Variants in CNTNAP2 observed in about 807,000 individuals in gnomAD.
CNTNAP2 encodes the protein contactin-associated protein-like 2.
In CNTNAP2, 98 loss-of-function variants were observed where a neutral mutation model predicts 155.2. The observed-to-expected ratio is 0.63, with a 90% CI of 0.54 to 0.75. CNTNAP2 has a LOEUF of 0.75. CNTNAP2 is among the 30% of genes least tolerant of loss of function. The pLI is 0.00. For synonymous variants in CNTNAP2, 651 were observed against 631.2 expected, an observed-to-expected ratio of 1.03 and a Z score of -0.47; for missense variants, 1,727 against 1,688.1, an observed-to-expected ratio of 1.02 and a Z score of -0.40.
chr7:146,144,731 A>G (rs1584771052), intron 1 of CNTNAP2, among the ~76,000 whole-genome samples: 1 of 152,160 alleles, frequency 6.6e-6, no homozygotes, highest in African/African-American at 2.4e-5. Context: ...TATTTATCTC[A>G]TTATTATTTG....
chr7:146,245,509 A>C (rs1799632196), intron 1 of CNTNAP2, among the ~76,000 whole-genome samples: 1 of 152,122 alleles, frequency 6.6e-6, no homozygotes, highest in African/African-American at 2.4e-5. Flanking sequence ...AGTAAGATCC[A>C]GTTGTTTGCG....
intron 23 of CNTNAP2, 92 bp from the exon 24 acceptor site, chr7:148,415,325 C>T (rs1240365564): frequency 1.6e-6 from 2 of 1,270,452 alleles, no homozygotes; most frequent in Non-Finnish European, 2.2e-6. Context: ...TGGGAGAGGG[C>T]TGTGTCTGAC....
chr7:146,657,777 GA>G (rs1194772324), intron 1 of CNTNAP2, among the ~76,000 whole-genome samples: 1 of 151,996 alleles, frequency 6.6e-6, no homozygotes, highest in Non-Finnish European at 1.5e-5. Flanking sequence ...TTGTCAAAAA[GA>G]GTCTAATTTT....
intron 5 of CNTNAP2, among the ~76,000 whole-genome samples, chr7:147,119,483 A>C (rs1344092092): frequency 6.6e-6 from 1 of 152,146 alleles, no homozygotes; most frequent in East Asian, 1.9e-4. Context: ...CTACTAGTGT[A>C]AATATTTAAA....
chr7:147,910,636 G>A (rs1800046262), intron 14 of CNTNAP2, among the ~76,000 whole-genome samples: 1 of 152,136 alleles, frequency 6.6e-6, no homozygotes, highest in African/African-American at 2.4e-5. Flanking sequence ...CACAATCATG[G>A]CAGAAGGCAG....
At chr7:148,247,920 C>CTGGGATTACAGGTGTGAACCACCA (rs1228467153) in intron 20 of CNTNAP2, among the ~76,000 whole-genome samples, 2 of 152,066 alleles carry the variant, frequency 1.3e-5, no homozygotes, top group Admixed American at 1.3e-4. Context: ...TCCCAAAGTG[C>CTGGGATTACAGGTGTGAACCACCA]TGGGATTACA....
intron 1 of CNTNAP2, among the ~76,000 whole-genome samples, chr7:146,510,743 A>G (rs116019320): frequency 1.1e-3 from 160 of 150,510 alleles, no homozygotes; most frequent in African/African-American, 3.9e-3. Context: ...TCTTGTAGCT[A>G]TTGTAAATGG....
chr7:147,036,860 T>C (rs1408241191), intron 3 of CNTNAP2, among the ~76,000 whole-genome samples: 30 of 152,284 alleles, frequency 2.0e-4, no homozygotes, highest in Admixed American at 2.0e-3. Flanking sequence ...TTTTTTCCTT[T>C]TCACACCTAT....
intron 15 of CNTNAP2, among the ~76,000 whole-genome samples, chr7:148,081,720 C>G (rs888915442): frequency 6.6e-6 from 1 of 152,048 alleles, no homozygotes; most frequent in African/African-American, 2.4e-5. Context: ...CTGAACTAAG[C>G]CTCAGAGGAG....
At chr7:146,379,249 A>C (rs933662685) in intron 1 of CNTNAP2, among the ~76,000 whole-genome samples, 2 of 152,150 alleles carry the variant, frequency 1.3e-5, no homozygotes, top group African/African-American at 4.8e-5. Flanking sequence ...GTGAAATTGT[A>C]ATTTGGACCA....
intron 21 of CNTNAP2, among the ~76,000 whole-genome samples, chr7:148,383,098 T>C (rs1585324675): frequency 6.6e-6 from 1 of 152,042 alleles, no homozygotes; most frequent in African/African-American, 2.4e-5. Flanking sequence ...CATCAGACAC[T>C]AGCCGGGGAT....
At chr7:148,083,522 G>A (rs1803656925) in intron 15 of CNTNAP2, among the ~76,000 whole-genome samples, 1 of 152,192 alleles carries the variant, frequency 6.6e-6, no homozygotes, top group South Asian at 2.1e-4. Context: ...AGAGGAGAAA[G>A]TGGACTGAGA....
intron 2 of CNTNAP2, among the ~76,000 whole-genome samples, chr7:146,794,908 A>C (rs1372444275): frequency 6.6e-6 from 1 of 152,208 alleles, no homozygotes; most frequent in Non-Finnish European, 1.5e-5. Context: ...TTTTATATCA[A>C]TTATGTACTG....
intron 1 of CNTNAP2, among the ~76,000 whole-genome samples, chr7:146,471,018 G>A (rs1465992391): frequency 6.6e-6 from 1 of 152,112 alleles, no homozygotes; most frequent in Non-Finnish European, 1.5e-5. Flanking sequence ...TTTTCTGTTT[G>A]TAACGATACT....
intron 18 of CNTNAP2, among the ~76,000 whole-genome samples, chr7:148,175,604 G>A (rs1209923969): frequency 6.6e-6 from 1 of 152,112 alleles, no homozygotes; most frequent in African/African-American, 2.4e-5. Context: ...CTGCCTTGTT[G>A]GGGTCAGGTT....
intron 10 of CNTNAP2, among the ~76,000 whole-genome samples, chr7:147,416,120 G>A (rs1175160423): frequency 6.6e-6 from 1 of 152,192 alleles, no homozygotes; most frequent in Non-Finnish European, 1.5e-5. Flanking sequence ...ATGACTTCCT[G>A]TGGGTGATTC....
chr7:148,192,863 T>C (rs1325948139), intron 18 of CNTNAP2, among the ~76,000 whole-genome samples: 2 of 152,216 alleles, frequency 1.3e-5, no homozygotes, highest in Admixed American at 6.5e-5. Context: ...CCTATAAAAG[T>C]AGCAGAAATG....
chr7:147,514,516 A>G (rs978323699), intron 11 of CNTNAP2, among the ~76,000 whole-genome samples: 6 of 152,112 alleles, frequency 3.9e-5, no homozygotes, highest in African/African-American at 1.2e-4. Context: ...AGGACAAAGT[A>G]ACAGAATAAA....
intron 14 of CNTNAP2, among the ~76,000 whole-genome samples, chr7:147,949,440 G>GTGTGTATATATATATATA (rs374972144): frequency 3.9e-5 from 5 of 127,364 alleles, no homozygotes; most frequent in Non-Finnish European, 8.6e-5. Context: ...TCAACTGTGT[G>GTGTGTATATATATATATA]TATATATATA....
Sources: allele counts gnomAD v4.1 joint callset (sites outside exome capture counted in the v4.1 genomes callset), GRCh38; gene constraint gnomAD v4.1.1; transcripts MANE v1.5; gene names NCBI Gene and HGNC (gene_info 2026-07-23, HGNC 2026-07-21).